Variants in ARID1B observed in about 807,000 individuals in gnomAD.
ARID1B encodes AT-rich interactive domain-containing protein 1B.
In ARID1B, 30 loss-of-function variants were observed where a neutral mutation model predicts 212.3. The observed-to-expected ratio is 0.14, with a 90% CI of 0.11 to 0.19. ARID1B has a LOEUF of 0.19. Among genes scored for constraint, ARID1B ranks in the 10% least tolerant of loss-of-function variants. The probability of loss-of-function intolerance (pLI) is 1.00; values close to 1 mark genes in which losing one functional copy is unlikely to be tolerated. For missense variants in ARID1B, 2,891 were observed against 3,204.0 expected (o/e 0.90, Z 2.36); for synonymous variants, 1,402 against 1,301.7 (o/e 1.08, Z -1.66).
chr6:157,064,595 G>A (rs80015385), intron 4 of ARID1B, among the ~76,000 whole-genome samples: 4 of 152,150 alleles, frequency 2.6e-5, no homozygotes, highest in East Asian at 1.9e-4. Flanking sequence ...AGTGGAGAAC[G>A]CACAACCCTG....
chr6:157,026,134 A>G (rs1780646664), intron 4 of ARID1B, among the ~76,000 whole-genome samples: 1 of 152,188 alleles, frequency 6.6e-6, no homozygotes, highest in South Asian at 2.1e-4. Flanking sequence ...CATGTTGGCC[A>G]GGCTGGTCTC....
chr6:156,895,177 A>C (rs1250616031), intron 2 of ARID1B, among the ~76,000 whole-genome samples: 1 of 152,210 alleles, frequency 6.6e-6, no homozygotes, highest in Non-Finnish European at 1.5e-5. Context: ...AACTTTTTTA[A>C]ATTATAGAAC....
intron 11 of ARID1B, among the ~76,000 whole-genome samples, 200 bp from the exon 12 acceptor site, chr6:157,180,769 A>C (rs1792455878): frequency 6.6e-6 from 1 of 152,184 alleles, no homozygotes; most frequent in East Asian, 1.9e-4. Context: ...CTTTTATTTA[A>C]AGTAAAAGTA....
At chr6:156,898,913 G>T (rs1324821449) in intron 2 of ARID1B, among the ~76,000 whole-genome samples, 1 of 152,158 alleles carries the variant, frequency 6.6e-6, no homozygotes, top group Non-Finnish European at 1.5e-5. Flanking sequence ...GGAGGTTGTG[G>T]CGAGCCAAGA....
At chr6:157,044,056 A>G (rs1782064351) in intron 4 of ARID1B, among the ~76,000 whole-genome samples, 1 of 152,190 alleles carries the variant, frequency 6.6e-6, no homozygotes, top group Non-Finnish European at 1.5e-5. Context: ...CAACATTTGG[A>G]ATGATCTTAT....
In ARID1B at chr6:157,190,283, A is replaced by G; in HGVS notation, c.4231+73A>G. On this transcript the variant is annotated intron_variant, in intron 15 of 19. Coordinates refer to ENST00000636930, the MANE Select transcript of ARID1B (RefSeq NM_001374828.1). This position sits in a 1 kb window ranked among gnomAD's most constrained non-coding sequence, Gnocchi z 4.6. ...ACTCTCTGCCGTTCCACAACAGTTCACCTTTCACTCAGAACACCTCTGAGC... is the reference window on the plus strand; with the variant it reads ...ACTCTCTGCCGTTCCACAACAGTTCGCCTTTCACTCAGAACACCTCTGAGC... 14 of 1,493,408 alleles carry G rather than the reference A, an allele frequency of 9.4e-6. No homozygotes were observed. Among genetic ancestry groups the G allele is most frequent in the South Asian group, 1.3e-5 (1 of 76,380 alleles). The allele number at this position is 1,493,408 out of a possible 1,614,324, so 92.5% of individuals were successfully genotyped here.
chr6:157,014,832 A>G (rs1337287175), intron 4 of ARID1B, among the ~76,000 whole-genome samples: 2 of 152,102 alleles, frequency 1.3e-5, no homozygotes, highest in Non-Finnish European at 2.9e-5. Context: ...AAAAATTACC[A>G]ATTACCTTAT....
At chr6:156,802,758 GT>G (rs1327447259) in intron 1 of ARID1B, among the ~76,000 whole-genome samples, 2 of 152,096 alleles carry the variant, frequency 1.3e-5, no homozygotes, top group Admixed American at 1.3e-4. Context: ...TATTGGCATT[GT>G]TTTTTTGTGG....
chr6:157,075,985 T>C (rs1213275680), intron 4 of ARID1B, among the ~76,000 whole-genome samples: 1 of 152,166 alleles, frequency 6.6e-6, no homozygotes, highest in Non-Finnish European at 1.5e-5. Context: ...AAAATATGAA[T>C]GAAGTCTCTG....
At chr6:157,089,859 T>C (rs1785171530) in intron 5 of ARID1B, among the ~76,000 whole-genome samples, 1 of 151,766 alleles carries the variant, frequency 6.6e-6, no homozygotes, top group Admixed American at 6.6e-5. Flanking sequence ...GATGCTGATA[T>C]TCTAGTAAAT....
chr6:156,868,420 C>T (rs867436536), intron 2 of ARID1B, among the ~76,000 whole-genome samples: 1 of 152,178 alleles, frequency 6.6e-6, no homozygotes, highest in Non-Finnish European at 1.5e-5. Flanking sequence ...GCTGCTATAA[C>T]AAAAATACCA....
intron 1 of ARID1B, among the ~76,000 whole-genome samples, chr6:156,818,964 G>A (rs981016525): frequency 6.6e-6 from 1 of 151,258 alleles, no homozygotes; most frequent in African/African-American, 2.4e-5. Flanking sequence ...AACCTGTTAT[G>A]TACCAAGAAC....
chr6:156,966,555 G>A (rs1794777474), intron 4 of ARID1B, among the ~76,000 whole-genome samples: 1 of 151,328 alleles, frequency 6.6e-6, no homozygotes, highest in Admixed American at 6.6e-5. Flanking sequence ...TACCACGTCC[G>A]GCTAATTTTC....
intron 11 of ARID1B, among the ~76,000 whole-genome samples, chr6:157,178,425 T>C (rs1361249544): frequency 6.6e-6 from 1 of 152,208 alleles, no homozygotes; most frequent in Non-Finnish European, 1.5e-5. Context: ...CATACAGTTT[T>C]ACACAGTGTG....
chr6:156,835,165 G>A (rs552416617), intron 2 of ARID1B, among the ~76,000 whole-genome samples: 3 of 151,332 alleles, frequency 2.0e-5, no homozygotes, highest in Admixed American at 6.6e-5. Flanking sequence ...GTGTGAACCC[G>A]GGAGGCGGAG....
chr6:156,953,988 G>A (rs1793773912), intron 4 of ARID1B, among the ~76,000 whole-genome samples: 1 of 151,990 alleles, frequency 6.6e-6, no homozygotes, highest in Non-Finnish European at 1.5e-5. Flanking sequence ...TCCATTAAAT[G>A]GGCAGCTTTT....
At chr6:157,030,094 G>A (rs972738645) in intron 4 of ARID1B, among the ~76,000 whole-genome samples, 1 of 152,170 alleles carries the variant, frequency 6.6e-6, no homozygotes, top group African/African-American at 2.4e-5. Flanking sequence ...GACGATTTGG[G>A]CTGGGCTCAG....
At chr6:157,118,447 C>T (rs544756985) in intron 6 of ARID1B, among the ~76,000 whole-genome samples, 5 of 152,266 alleles carry the variant, frequency 3.3e-5, no homozygotes, top group South Asian at 2.1e-4. Context: ...TAGATCACCC[C>T]GGTAGGGCAT....
intron 4 of ARID1B, among the ~76,000 whole-genome samples, chr6:157,038,145 C>CTAAT (rs773727520): frequency 1.3e-4 from 20 of 151,966 alleles, no homozygotes; most frequent in Non-Finnish European, 2.5e-4. Context: ...TTAGGAGACA[C>CTAAT]TTATTAGAGA....
Sources: gnomAD v4.1 joint callset for allele counts (sites outside exome capture counted in the v4.1 genomes callset) on GRCh38, gnomAD v4.1.1 for gene constraint, Gnocchi (gnomAD v3.1) non-coding constraint, MANE v1.5 for transcripts, NCBI Gene and HGNC (gene_info 2026-07-23, HGNC 2026-07-21) for gene names.